Variants in PTOV1 observed in about 807,000 individuals in gnomAD.
PTOV1 encodes the protein prostate tumor-overexpressed gene 1 protein.
A neutral mutation model predicts 58.0 loss-of-function variants in PTOV1; 20 were observed. The observed-to-expected ratio is 0.34, with a 90% CI of 0.24 to 0.50. PTOV1 has a LOEUF of 0.50. Ranked by LOEUF, PTOV1 falls within the 20% of genes least tolerant of loss-of-function variation. PTOV1 has a pLI of 0.98. For synonymous variants in PTOV1, 335 were observed against 234.2 expected (o/e 1.43, Z -3.93); for missense variants, 593 against 565.4 (o/e 1.05, Z -0.50).
intron 5 of PTOV1, chr19:49,855,507 G>A (rs567926093): frequency 4.3e-6 from 1 of 232,438 alleles, no homozygotes; most frequent in African/African-American, 2.2e-5. Context: ...CGAGTGGCCT[G>A]AGCTGGCCGT....
chr19:49,851,814 T>G lies in PTOV1; in HGVS notation c.171+315T>G, dbSNP rs933765498. Reference sequence around the variant, plus strand: ...ACAGGCAGCCGGCACGCTCGCTTGTTTTTCCTATTGGAGAGTTGCTCGCTC... The same window carrying G: ...ACAGGCAGCCGGCACGCTCGCTTGTGTTTCCTATTGGAGAGTTGCTCGCTC... On this transcript the variant is annotated intron_variant, in intron 1 of 11. Coordinates refer to ENST00000391842, the Ensembl canonical transcript of PTOV1. 68 of 1,015,844 alleles carry G rather than the reference T, an allele frequency of 6.7e-5. No individual in the cohort carries two copies. In the African/African-American group the frequency reaches 1.1e-3, roughly 17 times the overall value. The allele number at this position is 1,015,844 out of a possible 1,614,324, so 62.9% of individuals were successfully genotyped here. A position where few individuals can be genotyped will look rare whatever the true frequency, so the allele number is the denominator to read the frequency against.
At chr19:49,858,682 G>A (rs1336620036) in intron 10 of PTOV1, 29 bp downstream of exon 10, 1 of 1,546,482 alleles carries the variant, frequency 6.5e-7, no homozygotes, top group Non-Finnish European at 8.8e-7. Context: ...CGCAGGGGAG[G>A]GGCCGGCCAG....
chr19:49,852,545 A>C (rs1451468884), intron 1 of PTOV1: 1 of 152,178 alleles, frequency 6.6e-6, no homozygotes, highest in Non-Finnish European at 1.5e-5. Flanking sequence ...TGTGAGATTT[A>C]CTTTAGGTTG....
chr19:49,850,751 G>C (rs905742273), upstream of PTOV1: 14 of 1,129,822 alleles, frequency 1.2e-5, no homozygotes, highest in African/African-American at 2.2e-4. Context: ...CTCAGGCTCG[G>C]GTGCAATCCG....
chr19:49,858,329 G>C (rs571440426), intron 9 of PTOV1: 1 of 721,860 alleles, frequency 1.4e-6, no homozygotes, highest in African/African-American at 1.8e-5. Context: ...GCGGGGCAGG[G>C]GCAGCCACGA....
Position 49,859,866 on chromosome 19 carries a change from G to T in PTOV1, c.1042-120G>T, listed in dbSNP as rs925146414. ...GGCCCACCTCCAGGGTGGGTGGGGGGTGTGAGGACAGAGCAGTTAGGCTGT... is the reference window on the plus strand; with the variant it reads ...GGCCCACCTCCAGGGTGGGTGGGGGTTGTGAGGACAGAGCAGTTAGGCTGT... On this transcript the variant is annotated intron_variant, in intron 10 of 11. Coordinates refer to ENST00000391842, the Ensembl canonical transcript of PTOV1. 37 of 1,087,868 alleles carry T rather than the reference G, an allele frequency of 3.4e-5. No homozygotes were observed. In the East Asian group the frequency reaches 7.8e-4, roughly 23 times the overall value. The allele number at this position is 1,087,868 out of a possible 1,614,324, so 67.4% of individuals were successfully genotyped here.
chr19:49,858,243 C>A, intron 9 of PTOV1, 129 bp downstream of exon 9: 1 of 1,218,146 alleles, frequency 8.2e-7, no homozygotes, highest in Non-Finnish European at 1.1e-6. Context: ...GGTGCTGAAG[C>A]AGGTGTGGTG....
At position 49,858,771 on chromosome 19, in the gene PTOV1, A is replaced by T; in HGVS notation, c.1041+118A>T. 3.4e-6 allele frequency: 3 copies of T among 874,608 alleles called. No individual in the cohort carries two copies. In the South Asian group the frequency reaches 4.6e-5, roughly 13 times the overall value. The allele number at this position is 874,608 out of a possible 1,614,324, so 54.2% of individuals were successfully genotyped here. On this transcript the variant is annotated intron_variant, in intron 10 of 11. Coordinates refer to ENST00000391842, the Ensembl canonical transcript of PTOV1. ...ACCATGTCCCAGACCAGCTGGGGAG[A>T]GAGGGTGGCTAGTGTGGGCGTGACT...
In PTOV1 at chr19:49,859,758, C is replaced by G. The variant is rs2074664591; in HGVS notation, c.1042-228C>G. On this transcript the variant is annotated intron_variant, in intron 10 of 11. Coordinates refer to ENST00000391842, the Ensembl canonical transcript of PTOV1. ...TGGCCTGCCCAGGAGCTCTGAAATGCAGGTTCTTGGGCCCTTCCCGACAGA... is the reference window on the plus strand; with the variant it reads ...TGGCCTGCCCAGGAGCTCTGAAATGGAGGTTCTTGGGCCCTTCCCGACAGA... 1.4e-5 allele frequency: 8 copies of G among 576,550 alleles called. No individual in the cohort carries two copies. The East Asian group carries it at 2.3e-4, about 17-fold the overall frequency. The allele number at this position is 576,550 out of a possible 1,614,324, so 35.7% of individuals were successfully genotyped here.
intron 1 of PTOV1, 99 bp from the exon 2 acceptor site, chr19:49,854,307 G>A (rs892564576): frequency 2.0e-5 from 29 of 1,476,336 alleles, no homozygotes; most frequent in Non-Finnish European, 2.4e-5. Flanking sequence ...AGGGGATTTG[G>A]GGCTGAATAT....
chr19:49,854,276 A>C (rs1423394044), intron 1 of PTOV1, 130 bp from the exon 2 acceptor site: 1 of 1,249,458 alleles, frequency 8.0e-7, no homozygotes, highest in East Asian at 2.3e-5. Context: ...GGGTTTGGAC[A>C]TGGCCCCGTG....
intron 6 of PTOV1, 31 bp from the exon 7 acceptor site, chr19:49,857,662 C>T: frequency 1.9e-6 from 3 of 1,597,842 alleles, no homozygotes; most frequent in Non-Finnish European, 1.7e-6. Flanking sequence ...GGAGCCTGGG[C>T]CCCTCTTCCC....
intron 5 of PTOV1, 98 bp from the exon 6 acceptor site, chr19:49,856,877 G>T (rs770282981): frequency 6.9e-7 from 1 of 1,447,402 alleles, no homozygotes; most frequent in South Asian, 1.2e-5. Flanking sequence ...GTCCACCGAT[G>T]ATCTCCCTTC....
At chr19:49,858,867 T>A (rs1264856660) in intron 10 of PTOV1, 1 of 528,076 alleles carries the variant, frequency 1.9e-6, no homozygotes. Context: ...GGCCTGCTCC[T>A]CCTCTGCCAC....
chr19:49,857,215 C>A, intron 6 of PTOV1, 85 bp downstream of exon 6: 2 of 1,543,116 alleles, frequency 1.3e-6, no homozygotes, highest in Non-Finnish European at 1.8e-6. Flanking sequence ...TTGGTGTGGG[C>A]GGAGTGTGAT....
chr19:49,852,975 T>G (rs550766319), intron 1 of PTOV1: 137 of 152,318 alleles, frequency 9.0e-4, no homozygotes, highest in African/African-American at 3.2e-3. Context: ...TCCAACTCAT[T>G]CTAACGCCAA....
At chr19:49,857,729 C>G (rs1208697765) in exon 7 of PTOV1, 2 of 1,614,158 alleles carry the variant, frequency 1.2e-6, no homozygotes, top group Admixed American at 1.7e-5. Context: ...AGGCCCAGTC[C>G]AGATCGTCAA....
exon 10 of PTOV1, chr19:49,858,644 C>T (rs762635612): frequency 5.0e-6 from 8 of 1,597,830 alleles, no homozygotes; most frequent in Non-Finnish European, 6.8e-6. Flanking sequence ...GGATCATGGA[C>T]AATGGCTTCG....
At chr19:49,851,433 C>T in exon 1 of PTOV1, 1 of 1,217,312 alleles carries the variant, frequency 8.2e-7, no homozygotes, top group Non-Finnish European at 1.0e-6. Context: ...TCCGCTCGCG[C>T]TCCTGGCCTG....
Sources: gnomAD v4.1 joint callset for allele counts on GRCh38, gnomAD v4.1.1 for gene constraint, MANE v1.5 for transcripts, NCBI Gene and HGNC (gene_info 2026-07-23, HGNC 2026-07-21) for gene names.